STK39: variants seen among roughly 807,000 people sequenced by gnomAD.
STK39 encodes the protein STE20/SPS1-related proline-alanine-rich protein kinase.
In STK39, 20 loss-of-function variants were observed where a neutral mutation model predicts 77.8. That is an observed-to-expected ratio of 0.26 (90% confidence interval 0.18 to 0.37). STK39 has a LOEUF of 0.37. Among genes scored for constraint, STK39 ranks in the 10% least tolerant of loss-of-function variants. The probability of loss-of-function intolerance (pLI) is 1.00; values close to 1 mark genes in which losing one functional copy is unlikely to be tolerated. For missense variants in STK39, 479 were observed against 656.5 expected, an observed-to-expected ratio of 0.73 and a Z score of 2.95; for synonymous variants, 246 against 234.1, an observed-to-expected ratio of 1.05 and a Z score of -0.47.
chr2:167,996,243 A>T (rs937647966), intron 16 of STK39, among the ~76,000 whole-genome samples: 2 of 152,226 alleles, frequency 1.3e-5, no homozygotes, highest in African/African-American at 4.8e-5. Flanking sequence ...TCCTAGATTT[A>T]AAAAATGTCT....
At chr2:168,065,412 A>G in intron 12 of STK39, 31 bp from the exon 13 acceptor site, 1 of 1,611,168 alleles carries the variant, frequency 6.2e-7, no homozygotes, top group Non-Finnish European at 8.5e-7. Context: ...ACAGCATTCA[A>G]GAAAGCCAAA....
At chr2:168,001,013 G>A (rs887308444) in intron 16 of STK39, among the ~76,000 whole-genome samples, 24 of 152,294 alleles carry the variant, frequency 1.6e-4, no homozygotes, top group African/African-American at 5.3e-4. Context: ...TGTGTCAGAA[G>A]GGTACACTGG....
intron 1 of STK39, among the ~76,000 whole-genome samples, chr2:168,221,494 G>C (rs895545903): frequency 5.9e-5 from 9 of 152,210 alleles, no homozygotes; most frequent in African/African-American, 1.9e-4. Context: ...CTCACTACTA[G>C]TCTATCTTGG....
chr2:168,200,034 C>G (rs143772956), intron 1 of STK39, among the ~76,000 whole-genome samples: 304 of 152,290 alleles, frequency 2.0e-3, no homozygotes, highest in African/African-American at 7.1e-3. Flanking sequence ...ACCTGAATCA[C>G]AATCTCTCAC....
At chr2:168,218,830 G>T (rs2105713169) in intron 1 of STK39, among the ~76,000 whole-genome samples, 1 of 152,328 alleles carries the variant, frequency 6.6e-6, no homozygotes, top group Non-Finnish European at 1.5e-5. Flanking sequence ...AAGATTGACA[G>T]AAGTTCATGC....
At chr2:167,956,943 C>T (rs1017669570) in intron 17 of STK39, among the ~76,000 whole-genome samples, 22 of 152,132 alleles carry the variant, frequency 1.4e-4, no homozygotes, top group East Asian at 5.8e-4. Flanking sequence ...CCCATGGAAA[C>T]GTGCCCTTTC....
chr2:168,159,464 A>G (rs1471187998), intron 5 of STK39, among the ~76,000 whole-genome samples: 1 of 152,178 alleles, frequency 6.6e-6, no homozygotes, highest in African/African-American at 2.4e-5. Flanking sequence ...CAAGTACCTG[A>G]CCAAGAAAGT....
chr2:168,149,917 T>G (rs1473528282), intron 5 of STK39, among the ~76,000 whole-genome samples: 1 of 152,226 alleles, frequency 6.6e-6, no homozygotes, highest in African/African-American at 2.4e-5. Flanking sequence ...AATAGCACAC[T>G]TCTAGGAAAA....
chr2:168,144,000 C>T (rs1489871113), intron 5 of STK39, among the ~76,000 whole-genome samples: 1 of 152,158 alleles, frequency 6.6e-6, no homozygotes, highest in Admixed American at 6.5e-5. Context: ...TCTCCGGCAC[C>T]CTGGCTCTTG....
chr2:168,244,573 C>T (rs1160350675), intron 1 of STK39, among the ~76,000 whole-genome samples: 3 of 152,324 alleles, frequency 2.0e-5, no homozygotes, highest in African/African-American at 7.2e-5. Context: ...CTGCTAACTT[C>T]TGCGTGTAAT....
intron 14 of STK39, among the ~76,000 whole-genome samples, chr2:168,027,912 A>G (rs1684741613): frequency 6.6e-6 from 1 of 152,236 alleles, no homozygotes; most frequent in Non-Finnish European, 1.5e-5. Context: ...GATCTCTAAT[A>G]CTCAGTCCAG....
chr2:168,196,385 GGGT>G (rs1689469466), intron 1 of STK39, among the ~76,000 whole-genome samples: 1 of 152,202 alleles, frequency 6.6e-6, no homozygotes, highest in South Asian at 2.1e-4. Flanking sequence ...ATAAATGGCT[GGGT>G]GTGGTGGCTC....
intron 10 of STK39, among the ~76,000 whole-genome samples, chr2:168,091,001 A>G (rs1418185746): frequency 6.6e-6 from 1 of 152,176 alleles, no homozygotes; most frequent in Non-Finnish European, 1.5e-5. Flanking sequence ...ACATATTAAC[A>G]TCCTATCGTG....
At chr2:168,225,974 C>G (rs923601009) in intron 1 of STK39, among the ~76,000 whole-genome samples, 2 of 152,114 alleles carry the variant, frequency 1.3e-5, no homozygotes, top group African/African-American at 4.8e-5. Flanking sequence ...CAGAATCCAG[C>G]AATTAGCAGC....
intron 2 of STK39, 72 bp from the exon 3 acceptor site, chr2:168,167,479 G>A: frequency 7.5e-7 from 1 of 1,340,808 alleles, no homozygotes; most frequent in Non-Finnish European, 1.1e-6. Context: ...GTGAATCACA[G>A]TTGAGTACCT....
At chr2:168,006,986 A>G (rs1288168235) in intron 16 of STK39, among the ~76,000 whole-genome samples, 1 of 152,242 alleles carries the variant, frequency 6.6e-6, no homozygotes, top group Non-Finnish European at 1.5e-5. Context: ...TGTGTTTGCC[A>G]TATTCTAGTA....
In STK39 at chr2:168,222,864, A is replaced by T. The variant is rs113532095; in HGVS notation, c.208+24364T>A. On this transcript the variant is annotated intron_variant, in intron 1 of 17. Coordinates refer to ENST00000355999, the MANE Select transcript of STK39 (RefSeq NM_013233.3). Reference sequence around the variant, plus strand: ...TTCCATGTAAAACAGAGACAATAATACCTGTCCATTGGGTTGTTGTATGGA... The same window carrying T: ...TTCCATGTAAAACAGAGACAATAATTCCTGTCCATTGGGTTGTTGTATGGA... Among the ~76,000 whole-genome samples, 79 of 152,274 alleles carry T rather than the reference A, an allele frequency of 5.2e-4. 1 individual carries two copies. The highest frequency in any genetic ancestry group is 1.8e-3 in the African/African-American group (73 of 41,524).
chr2:168,019,265 T>A (rs907444467), intron 14 of STK39, among the ~76,000 whole-genome samples: 13 of 152,238 alleles, frequency 8.5e-5, no homozygotes, highest in African/African-American at 3.1e-4. Flanking sequence ...CGGTTACCCA[T>A]GTCAGTATAA....
intron 8 of STK39, among the ~76,000 whole-genome samples, chr2:168,130,118 T>C (rs1055097014): frequency 1.3e-5 from 2 of 152,198 alleles, no homozygotes; most frequent in Non-Finnish European, 2.9e-5. Context: ...CAAGCTACCA[T>C]ATGACCCTGT....
Sources: allele counts gnomAD v4.1 joint callset (sites outside exome capture counted in the v4.1 genomes callset), GRCh38; gene constraint gnomAD v4.1.1; transcripts MANE v1.5; gene names NCBI Gene and HGNC (gene_info 2026-07-23, HGNC 2026-07-21).